LARGE1: variants seen among roughly 807,000 people sequenced by gnomAD.
LARGE1 encodes LARGE xylosyl- and glucuronyltransferase 1.
LARGE1 carries 43 observed loss-of-function variants against 87.6 expected under a neutral mutation model. The observed-to-expected ratio is 0.49, with a 90% CI of 0.38 to 0.63. The LOEUF is 0.63. Among genes scored for constraint, LARGE1 ranks in the 30% least tolerant of loss-of-function variants. The probability of loss-of-function intolerance (pLI) is 0.00; values close to 1 mark genes in which losing one functional copy is unlikely to be tolerated. For synonymous variants in LARGE1, 434 were observed against 394.6 expected (o/e 1.10, Z -1.18); for missense variants, 802 against 1,000.2 (o/e 0.80, Z 2.67).
rs144104457 is a variant in LARGE1 at position 33,500,563 on chromosome 22, G to A, written c.787+64285C>T. ...GTCTCATAGCTTCCTGGTTTACAAC[G>A]TGGGTAAGGGCACAGTGGAGCATCC... On this transcript the variant is annotated intron_variant, in intron 6 of 14. Coordinates refer to ENST00000397394, the MANE Select transcript of LARGE1 (RefSeq NM_133642.5). 3.5e-3 allele frequency among the ~76,000 whole-genome samples: 532 copies of A among 152,260 alleles called. 4 individuals carry two copies. The highest frequency in any genetic ancestry group is 0.012 in the African/African-American group (511 of 41,538).
At chr22:33,679,747 CA>C (rs2081693511) in intron 2 of LARGE1, among the ~76,000 whole-genome samples, 3 of 152,104 alleles carry the variant, frequency 2.0e-5, no homozygotes, top group Admixed American at 2.0e-4. Context: ...GAGGCTGAGG[CA>C]GGAGAATTGC....
chr22:33,732,463 G>C (rs1473027477), intron 2 of LARGE1: 2 of 152,626 alleles, frequency 1.3e-5, no homozygotes, highest in Non-Finnish European at 1.5e-5. Flanking sequence ...GTTCGCAGGA[G>C]AAGCGGGGAG....
chr22:33,738,966 T>C (rs2083770701), intron 2 of LARGE1, among the ~76,000 whole-genome samples: 1 of 150,180 alleles, frequency 6.7e-6, no homozygotes. Context: ...GACAAGACAT[T>C]ATACAGTCAT....
intron 2 of LARGE1, among the ~76,000 whole-genome samples, chr22:33,759,362 C>T (rs2084639261): frequency 6.6e-6 from 1 of 152,206 alleles, no homozygotes; most frequent in Non-Finnish European, 1.5e-5. Flanking sequence ...CAATCTATAG[C>T]ATGGTATTAC....
At chr22:33,154,689 T>C in the LARGE1 span, among the ~76,000 whole-genome samples, 1 of 151,458 alleles carries the variant, frequency 6.6e-6, no homozygotes, top group African/African-American at 2.4e-5. Context: ...TAAGTTAGTC[T>C]TTTTTTTTCT....
intron 6 of LARGE1, among the ~76,000 whole-genome samples, chr22:33,550,668 ATTCAAT>A (rs1302486591): frequency 6.6e-6 from 1 of 152,224 alleles, no homozygotes; most frequent in African/African-American, 2.4e-5. Context: ...TAGAACTACC[ATTCAAT>A]CCAGCAATCC....
At chr22:33,462,350 C>T (rs2068416105) in intron 6 of LARGE1, among the ~76,000 whole-genome samples, 1 of 151,984 alleles carries the variant, frequency 6.6e-6, no homozygotes, top group Non-Finnish European at 1.5e-5. Flanking sequence ...ACAGATGCTA[C>T]TAGTACTAGG....
chr22:33,172,418 T>C (rs956977158), intron 11 of LARGE1, among the ~76,000 whole-genome samples: 3 of 149,768 alleles, frequency 2.0e-5, no homozygotes, highest in Non-Finnish European at 4.4e-5. Flanking sequence ...TCATGAGATA[T>C]TATGGTTAAA....
intron 1 of LARGE1, among the ~76,000 whole-genome samples, chr22:33,822,998 G>A (rs2062683323): frequency 6.6e-6 from 1 of 152,138 alleles, no homozygotes; most frequent in Non-Finnish European, 1.5e-5. Context: ...GTTACCTGGG[G>A]AAGAATAAAA....
chr22:33,193,980 A>G (rs1923934352), intron 11 of LARGE1, among the ~76,000 whole-genome samples: 1 of 147,886 alleles, frequency 6.8e-6, no homozygotes, highest in Non-Finnish European at 1.5e-5. Flanking sequence ...TATTTTATAT[A>G]TAATTTTACA....
intron 12 of LARGE1, among the ~76,000 whole-genome samples, chr22:33,292,613 T>C (rs1233145238): frequency 6.6e-6 from 1 of 152,142 alleles, no homozygotes; most frequent in African/African-American, 2.4e-5. Context: ...AGTCCACGCC[T>C]AGCTGCTCCT....
At chr22:33,272,077 A>C (rs965526129), downstream of LARGE1, among the ~76,000 whole-genome samples, 24 of 152,246 alleles carry the variant, frequency 1.6e-4, no homozygotes, top group African/African-American at 5.5e-4. Flanking sequence ...AGTGAAAGCA[A>C]GGTGGCTGGG....
chr22:33,382,629 T>C (rs1251464039), intron 8 of LARGE1, among the ~76,000 whole-genome samples: 2 of 152,172 alleles, frequency 1.3e-5, no homozygotes, highest in African/African-American at 4.8e-5. Flanking sequence ...TTTTACCTTT[T>C]TTGGGCTCTT....
the LARGE1 span, chr22:33,137,364 G>T: frequency 5.8e-4 from 88 of 152,904 alleles, no homozygotes; most frequent in Admixed American, 2.5e-3. Context: ...GGCTAATAAG[G>T]AAGAAATTTC....
chr22:33,804,726 T>A (rs1168227484), intron 1 of LARGE1, among the ~76,000 whole-genome samples: 1 of 152,214 alleles, frequency 6.6e-6, no homozygotes, highest in Non-Finnish European at 1.5e-5. Flanking sequence ...AAAAAATGAC[T>A]GAACTAGCCC....
intron 11 of LARGE1, among the ~76,000 whole-genome samples, chr22:33,184,464 C>A (rs1923367293): frequency 6.6e-6 from 1 of 151,342 alleles, no homozygotes; most frequent in Non-Finnish European, 1.5e-5. Flanking sequence ...AGTTTTATAT[C>A]TATAAATTTT....
intron 1 of LARGE1, among the ~76,000 whole-genome samples, chr22:33,776,436 C>T (rs369342): frequency 0.73 from 110,613 of 152,206 alleles, 40,623 homozygotes; most frequent in African/African-American, 0.8. Context: ...AGGTCTTTAA[C>T]GCAAATTTAT....
At chr22:33,773,353 G>C (rs573189250) in intron 1 of LARGE1, among the ~76,000 whole-genome samples, 13 of 152,308 alleles carry the variant, frequency 8.5e-5, no homozygotes, top group African/African-American at 3.1e-4. Context: ...TCACTATGTT[G>C]AAAGGACCAC....
downstream of LARGE1, among the ~76,000 whole-genome samples, chr22:33,268,787 G>T (rs933121801): frequency 6.6e-6 from 1 of 152,110 alleles, no homozygotes; most frequent in Admixed American, 6.6e-5. Context: ...TGGTAATAAG[G>T]CGACTAAGTT....
Sources: gnomAD v4.1 joint callset for allele counts (sites outside exome capture counted in the v4.1 genomes callset) on GRCh38, gnomAD v4.1.1 for gene constraint, MANE v1.5 for transcripts, NCBI Gene and HGNC (gene_info 2026-07-23, HGNC 2026-07-21) for gene names.